CPNE4: variants seen among roughly 807,000 people sequenced by gnomAD.
The protein encoded by CPNE4 is copine 4.
CPNE4 carries 25 observed loss-of-function variants against 67.9 expected under a neutral mutation model. That is an observed-to-expected ratio of 0.37 (90% CI 0.27 to 0.51). The LOEUF (loss-of-function observed/expected upper bound fraction) is 0.51, where lower values mean the gene tolerates loss of function less well. CPNE4 is among the 20% of genes least tolerant of loss of function. The pLI is 0.93. For missense variants in CPNE4, 464 were observed against 690.8 expected (o/e 0.67, Z 3.68); for synonymous variants, 242 against 244.9 (o/e 0.99, Z 0.11).
rs150411002 is a variant in CPNE4, at chr3:131,796,262, T to C, written c.181-72637A>G. On this transcript the variant is annotated intron_variant, in intron 2 of 15. Coordinates refer to ENST00000429747, the MANE Select transcript of CPNE4 (RefSeq NM_130808.3). ...AAGACTTCTGCCACATTAAGCCATT[T>C]TGGAATCATCTTCAGCCTCGTTAAC... is the stretch of plus-strand genomic sequence containing the variant. Among the ~76,000 whole-genome samples, 199 of 152,302 alleles carry C rather than the reference T, an allele frequency of 1.3e-3. 1 individual carries two copies. The highest frequency in any genetic ancestry group is 4.6e-3 in the African/African-American group (193 of 41,586).
At chr3:131,938,960 CA>C (rs1478874285) in intron 1 of CPNE4, among the ~76,000 whole-genome samples, 2 of 152,066 alleles carry the variant, frequency 1.3e-5, no homozygotes. Context: ...ACTTCCAAAA[CA>C]AAACAAAAAC....
chr3:131,730,060 T>C (rs1278361066), intron 2 of CPNE4, among the ~76,000 whole-genome samples: 1 of 152,220 alleles, frequency 6.6e-6, no homozygotes, highest in Non-Finnish European at 1.5e-5. Context: ...TTGAAATTGG[T>C]ATGTGTGTTT....
chr3:131,861,594 C>T (rs1339856845), intron 2 of CPNE4, among the ~76,000 whole-genome samples: 2 of 152,020 alleles, frequency 1.3e-5, no homozygotes, highest in Non-Finnish European at 2.9e-5. Flanking sequence ...CCATGCTCGG[C>T]TAATTTTTTT....
intron 1 of CPNE4, among the ~76,000 whole-genome samples, chr3:132,007,152 A>T (rs1288958086): frequency 2.0e-5 from 3 of 152,184 alleles, no homozygotes; most frequent in Non-Finnish European, 4.4e-5. Flanking sequence ...AGCTAAGAGT[A>T]TGATGTTGTT....
chr3:131,657,532 A>ATT lies in CPNE4; in HGVS notation c.681+12141_681+12142dup, dbSNP rs55842033. 3.9e-4 allele frequency among the ~76,000 whole-genome samples: 47 copies of ATT among 120,202 alleles called. 1 individual carries two copies. Among genetic ancestry groups the ATT allele is most frequent in the African/African-American group, 1.5e-3 (45 of 29,968 alleles). 78.9% of individuals were successfully genotyped at this position (120,202 alleles called of 152,430 possible). On this transcript the variant is annotated intron_variant, in intron 7 of 15. Coordinates refer to ENST00000429747, the MANE Select transcript of CPNE4 (RefSeq NM_130808.3). Reference sequence around the variant, plus strand: ...TACATGAAAGCCTAGAATTATCTGTATTTTTTTTTTTTTTTTTTTTTGAGA... The same window carrying ATT: ...TACATGAAAGCCTAGAATTATCTGTATTTTTTTTTTTTTTTTTTTTTTTGAGA...
intron 1 of CPNE4, among the ~76,000 whole-genome samples, chr3:131,928,764 G>A (rs1225039): frequency 0.73 from 110,886 of 152,086 alleles, 40,681 homozygotes; most frequent in Admixed American, 0.81. Context: ...TAGATGGGAG[G>A]GTGTCAGGCC....
chr3:131,969,569 T>A (rs6772283), intron 1 of CPNE4, among the ~76,000 whole-genome samples: 12,984 of 151,986 alleles, frequency 0.085, 608 homozygotes, highest in Middle Eastern at 0.12. Context: ...TGTTTTCTGA[T>A]TTTTTTTCTT....
intron 7 of CPNE4, among the ~76,000 whole-genome samples, chr3:131,617,405 T>TC (rs1330188343): frequency 6.6e-6 from 1 of 152,062 alleles, no homozygotes; most frequent in Non-Finnish European, 1.5e-5. Context: ...TCTTATTTGA[T>TC]CCCCCCAACA....
intron 2 of CPNE4, among the ~76,000 whole-genome samples, chr3:131,791,544 G>C (rs935568407): frequency 4.6e-5 from 7 of 152,088 alleles, no homozygotes; most frequent in African/African-American, 1.7e-4. Flanking sequence ...AAACCACAGG[G>C]TTTACTGTCA....
chr3:131,874,787 G>T (rs914022792), intron 2 of CPNE4, among the ~76,000 whole-genome samples: 2 of 152,104 alleles, frequency 1.3e-5, no homozygotes, highest in African/African-American at 4.8e-5. Flanking sequence ...CACATCTGGA[G>T]TTCCTTGTGA....
chr3:131,685,186 A>G (rs921568118), intron 6 of CPNE4, among the ~76,000 whole-genome samples: 1 of 152,008 alleles, frequency 6.6e-6, no homozygotes, highest in African/African-American at 2.4e-5. Flanking sequence ...GGGGGTCATC[A>G]TCATCATCAT....
intron 2 of CPNE4, among the ~76,000 whole-genome samples, chr3:131,823,346 G>C (rs1460846437): frequency 2.6e-5 from 4 of 152,162 alleles, no homozygotes; most frequent in Non-Finnish European, 5.9e-5. Flanking sequence ...AATTGCCCAA[G>C]GTCCCCTGTA....
At chr3:131,592,900 A>G (rs985799986) in intron 7 of CPNE4, among the ~76,000 whole-genome samples, 1 of 152,204 alleles carries the variant, frequency 6.6e-6, no homozygotes, top group African/African-American at 2.4e-5. Flanking sequence ...CTCTGTCTGT[A>G]GAATGCATGG....
intron 1 of CPNE4, among the ~76,000 whole-genome samples, chr3:131,963,655 G>A (rs1225066): frequency 0.44 from 67,644 of 152,040 alleles, 15,693 homozygotes; most frequent in Non-Finnish European, 0.51. Flanking sequence ...GCAGGGCAGC[G>A]AAGCGGCTGT....
Position 131,729,447 on chromosome 3 carries a change from A to G in CPNE4, c.181-5822T>C, listed in dbSNP as rs145550869. 4.0e-3 allele frequency among the ~76,000 whole-genome samples: 603 copies of G among 152,328 alleles called. 6 individuals are homozygous for G. The highest frequency in any genetic ancestry group is 0.014 in the African/African-American group (585 of 41,578). On this transcript the variant is annotated intron_variant, in intron 2 of 15. Coordinates refer to ENST00000429747, the MANE Select transcript of CPNE4 (RefSeq NM_130808.3). The stretch of plus-strand genomic sequence containing the variant: ...TAATAAAATGAATCACCAAGCCACC[A>G]GAAATAGCATTATTCAATTTCAGGA...
At chr3:131,980,590 C>T in intron 1 of CPNE4, among the ~76,000 whole-genome samples, 1 of 151,636 alleles carries the variant, frequency 6.6e-6, no homozygotes, top group Non-Finnish European at 1.5e-5. Context: ...GAATATTTCT[C>T]CCTTCACTTC....
intron 7 of CPNE4, among the ~76,000 whole-genome samples, chr3:131,620,658 C>T (rs767050129): frequency 6.6e-6 from 1 of 152,072 alleles, no homozygotes; most frequent in Non-Finnish European, 1.5e-5. Flanking sequence ...AATATAATTA[C>T]AAGAGTCCTT....
At chr3:132,010,128 T>C (rs2073715924) in intron 1 of CPNE4, among the ~76,000 whole-genome samples, 1 of 152,254 alleles carries the variant, frequency 6.6e-6, no homozygotes, top group African/African-American at 2.4e-5. Flanking sequence ...AGTTTAAATC[T>C]TAGGTGCAGA....
intron 1 of CPNE4, among the ~76,000 whole-genome samples, chr3:131,982,767 G>A (rs1017663333): frequency 2.0e-4 from 30 of 151,830 alleles, no homozygotes; most frequent in African/African-American, 7.3e-4. Context: ...CTTTAAATTG[G>A]CTTATAATAA....
Sources: gnomAD v4.1 joint callset for allele counts (sites outside exome capture counted in the v4.1 genomes callset) on GRCh38, gnomAD v4.1.1 for gene constraint, MANE v1.5 for transcripts, NCBI Gene and HGNC (gene_info 2026-07-23, HGNC 2026-07-21) for gene names.